RPSA2: variants seen among roughly 807,000 people sequenced by gnomAD.
RPSA2 encodes the protein ribosomal protein SA 2, also known as small ribosomal subunit protein uS2B.
chr19:23,822,996 A>G, the RPSA2 span, among the ~76,000 whole-genome samples: 2 of 152,134 alleles, frequency 1.3e-5, no homozygotes. Flanking sequence ...ATATTTAACC[A>G]TGAGTCAATA....
At chr19:23,863,390 C>A in the RPSA2 span, among the ~76,000 whole-genome samples, 1 of 151,932 alleles carries the variant, frequency 6.6e-6, no homozygotes, top group African/African-American at 2.4e-5. Flanking sequence ...ATGGTGAAAC[C>A]CTATCTCTGC....
the RPSA2 span, among the ~76,000 whole-genome samples, chr19:23,825,038 G>C: frequency 6.6e-6 from 1 of 151,880 alleles, no homozygotes; most frequent in Non-Finnish European, 1.5e-5. Context: ...GGAGTGCAGT[G>C]GCACAATCTC....
At chr19:23,777,003 C>T in the RPSA2 span, among the ~76,000 whole-genome samples, 4 of 152,156 alleles carry the variant, frequency 2.6e-5, no homozygotes, top group South Asian at 2.1e-4. Flanking sequence ...TGTGATATAT[C>T]GCATGGCCCA....
At chr19:23,781,079 A>T in the RPSA2 span, among the ~76,000 whole-genome samples, 104 of 152,258 alleles carry the variant, frequency 6.8e-4, 6 homozygotes, top group Middle Eastern at 3.4e-3. Flanking sequence ...GGTTCAAGCG[A>T]TTCTTTCACC....
chr19:23,794,536 CT>C, the RPSA2 span, among the ~76,000 whole-genome samples: 1 of 151,688 alleles, frequency 6.6e-6, no homozygotes, highest in African/African-American at 2.4e-5. Context: ...TTAGTGAGGT[CT>C]TTTTTTTCTT....
the RPSA2 span, among the ~76,000 whole-genome samples, chr19:23,852,527 G>T: frequency 1.3e-5 from 2 of 152,198 alleles, no homozygotes; most frequent in African/African-American, 2.4e-5. Flanking sequence ...GAAAACGAAA[G>T]GATGGGCCAA....
At chr19:23,825,507 T>C in the RPSA2 span, among the ~76,000 whole-genome samples, 170 of 152,342 alleles carry the variant, frequency 1.1e-3, 1 homozygote, top group Non-Finnish European at 2.0e-3. Context: ...GTTATCCTTG[T>C]ATTTTTTTTC....
At chr19:23,764,454 G>A in the RPSA2 span, among the ~76,000 whole-genome samples, 1 of 152,148 alleles carries the variant, frequency 6.6e-6, no homozygotes, top group Non-Finnish European at 1.5e-5. Flanking sequence ...TGGATGGCAG[G>A]TTTTTAAAGA....
the RPSA2 span, among the ~76,000 whole-genome samples, chr19:23,860,355 G>T: frequency 9.2e-5 from 14 of 152,202 alleles, no homozygotes; most frequent in African/African-American, 3.4e-4. Flanking sequence ...TACTTAAACT[G>T]CTTTTTTTGG....
the RPSA2 span, among the ~76,000 whole-genome samples, chr19:23,861,667 A>G: frequency 6.6e-6 from 1 of 152,126 alleles, no homozygotes; most frequent in South Asian, 2.1e-4. Flanking sequence ...ACGTACTAAC[A>G]TGACCTCTGC....
At chr19:23,848,413 A>T in the RPSA2 span, among the ~76,000 whole-genome samples, 148,936 of 152,262 alleles carry the variant, frequency 0.98, 72,933 homozygotes, top group Middle Eastern at 1. Context: ...TAATCATAAT[A>T]CCAAACATTA....
At chr19:23,837,880 T>A in the RPSA2 span, among the ~76,000 whole-genome samples, 1 of 152,128 alleles carries the variant, frequency 6.6e-6, no homozygotes, top group Non-Finnish European at 1.5e-5. Flanking sequence ...AGGTAAATAA[T>A]CATGTCATCA....
At chr19:23,849,001 A>G in the RPSA2 span, among the ~76,000 whole-genome samples, 3 of 152,224 alleles carry the variant, frequency 2.0e-5, no homozygotes, top group African/African-American at 7.2e-5. Flanking sequence ...ACTGAGGGGG[A>G]AGATTCCCAA....
chr19:23,816,074 C>T, the RPSA2 span, among the ~76,000 whole-genome samples: 1 of 148,894 alleles, frequency 6.7e-6, no homozygotes, highest in Non-Finnish European at 1.5e-5. Flanking sequence ...ATACTGTTTG[C>T]TTTTTTCTTA....
At chr19:23,866,619 C>G in the RPSA2 span, among the ~76,000 whole-genome samples, 1 of 151,596 alleles carries the variant, frequency 6.6e-6, no homozygotes, top group African/African-American at 2.4e-5. Flanking sequence ...AATAGCACCC[C>G]CTGTCAGGAA....
chr19:23,815,795 A>G, the RPSA2 span, among the ~76,000 whole-genome samples: 6 of 152,004 alleles, frequency 3.9e-5, no homozygotes, highest in Non-Finnish European at 7.4e-5. Flanking sequence ...ACTTTTGTCA[A>G]TATTTGCTTT....
chr19:23,792,344 C>T, the RPSA2 span, among the ~76,000 whole-genome samples: 11 of 152,068 alleles, frequency 7.2e-5, no homozygotes, highest in African/African-American at 2.7e-4. Flanking sequence ...CCTGATTATC[C>T]AAGACATGGA....
chr19:23,759,522 G>GTTTTT, the RPSA2 span, among the ~76,000 whole-genome samples: 95 of 89,028 alleles, frequency 1.1e-3, 30 homozygotes, highest in Admixed American at 1.6e-3. Context: ...TATATATCAG[G>GTTTTT]TTTTTTTTTT....
the RPSA2 span, among the ~76,000 whole-genome samples, chr19:23,842,144 G>A: frequency 2.2e-3 from 331 of 152,220 alleles, 4 homozygotes; most frequent in African/African-American, 7.5e-3. Context: ...ATTAGAATAC[G>A]TATTTTAACA....
Sources: allele counts gnomAD v4.1 joint callset (sites outside exome capture counted in the v4.1 genomes callset), GRCh38; gene constraint gnomAD v4.1.1; transcripts MANE v1.5; gene names NCBI Gene and HGNC (gene_info 2026-07-23, HGNC 2026-07-21).